DTNB: variants seen among roughly 807,000 people sequenced by gnomAD.
The protein encoded by DTNB is DTN-B.
Under a neutral mutation model 90.7 loss-of-function variants are expected in DTNB, and 63 were observed. The ratio of observed to expected loss-of-function variants is 0.69; its 90% CI spans 0.57 to 0.86. The LOEUF (loss-of-function observed/expected upper bound fraction) is 0.86. Ranked by LOEUF, DTNB falls within the 40% of genes least tolerant of loss-of-function variation. The pLI is 0.00. For missense variants in DTNB, 744 were observed against 807.1 expected (o/e 0.92, Z 0.95); for synonymous variants, 277 against 286.7 (o/e 0.97, Z 0.34).
intron 10 of DTNB, among the ~76,000 whole-genome samples, chr2:25,475,648 T>C (rs2063597466): frequency 6.6e-6 from 1 of 152,200 alleles, no homozygotes; most frequent in Non-Finnish European, 1.5e-5. Context: ...ATCTAGGGCT[T>C]TCATAGCTAG....
At chr2:25,619,716 G>A (rs1292235968) in intron 4 of DTNB, among the ~76,000 whole-genome samples, 3 of 152,084 alleles carry the variant, frequency 2.0e-5, no homozygotes, top group Non-Finnish European at 4.4e-5. Flanking sequence ...AATGGGATTG[G>A]TGATAATAAG....
Position 25,531,583 on chromosome 2 carries a change from C to T in DTNB, c.891G>A (p.Lys297=), listed in dbSNP as rs2078207329. ...KEHSSWKSPA[K]KLSHAISKSL... is the part of the protein sequence containing the mutation. ...ATTTACTAATTGCATGGCTCAGCTT[C>T]TTTGCAGGAGATTTCTGTGTCAAAG... is the stretch of plus-strand genomic sequence containing the variant. Residue 297 remains lysine (K), a synonymous_variant, in exon 9 of 21, where the codon AAG becomes AAA. Transcript: ENST00000406818. 3 of 1,613,648 alleles carry T rather than the reference C, an allele frequency of 1.9e-6. No homozygotes were observed. The highest frequency in any genetic ancestry group is 1.3e-5 in the African/African-American group (1 of 74,926).
intron 9 of DTNB, among the ~76,000 whole-genome samples, chr2:25,508,070 C>T (rs1028261631): frequency 6.6e-6 from 1 of 151,982 alleles, no homozygotes; most frequent in African/African-American, 2.4e-5. Flanking sequence ...CCAATACTGC[C>T]CATCCCTCTT....
chr2:25,446,126 T>C (rs1216536006), intron 12 of DTNB, among the ~76,000 whole-genome samples: 1 of 152,186 alleles, frequency 6.6e-6, no homozygotes, highest in Non-Finnish European at 1.5e-5. Context: ...TCTTTATTTC[T>C]CCTTTTGACA....
At chr2:25,383,687 CA>C in intron 19 of DTNB, 148 bp downstream of exon 19, 1 of 1,519,602 alleles carries the variant, frequency 6.6e-7, no homozygotes, top group Non-Finnish European at 8.8e-7. Context: ...ACCTGACTGT[CA>C]GATGGGAAAA....
At chr2:25,404,537 G>A (rs1388691958) in intron 16 of DTNB, among the ~76,000 whole-genome samples, 1 of 152,074 alleles carries the variant, frequency 6.6e-6, no homozygotes, top group East Asian at 1.9e-4. Context: ...ATGTAAATGA[G>A]CAGCTGCAGA....
chr2:25,634,882 A>G (rs1333526101), intron 3 of DTNB, among the ~76,000 whole-genome samples: 1 of 106,982 alleles, frequency 9.3e-6, no homozygotes, highest in Non-Finnish European at 2.2e-5. Flanking sequence ...AGTCATCACC[A>G]CTCCCTAATC....
At chr2:25,421,652 C>T (rs1230680082) in intron 15 of DTNB, among the ~76,000 whole-genome samples, 1 of 152,190 alleles carries the variant, frequency 6.6e-6, no homozygotes, top group Admixed American at 6.5e-5. Flanking sequence ...TGGGGCAATC[C>T]TAACAGGCTG....
At chr2:25,587,271 T>G (rs2062626241) in intron 6 of DTNB, among the ~76,000 whole-genome samples, 1 of 152,188 alleles carries the variant, frequency 6.6e-6, no homozygotes, top group Admixed American at 6.5e-5. Context: ...AAACTCAAAT[T>G]TGCTTATGAT....
intron 1 of DTNB, among the ~76,000 whole-genome samples, chr2:25,656,655 C>A (rs1363452570): frequency 1.3e-5 from 2 of 152,196 alleles, no homozygotes; most frequent in African/African-American, 2.4e-5. Flanking sequence ...AAATAAAATT[C>A]TATGACCTTG....
chr2:25,549,187 ATTTAT>A (rs1262405872), intron 8 of DTNB, among the ~76,000 whole-genome samples: 3 of 151,672 alleles, frequency 2.0e-5, no homozygotes, highest in African/African-American at 7.3e-5. Flanking sequence ...TAGTTTTTCC[ATTTAT>A]TTTGATTACT....
At chr2:25,588,115 A>C (rs916403184) in intron 6 of DTNB, among the ~76,000 whole-genome samples, 1 of 152,122 alleles carries the variant, frequency 6.6e-6, no homozygotes, top group African/African-American at 2.4e-5. Context: ...GTTATATCTC[A>C]GTAATAAAAA....
At chr2:25,482,154 C>T (rs998236435) in intron 10 of DTNB, among the ~76,000 whole-genome samples, 2 of 152,098 alleles carry the variant, frequency 1.3e-5, no homozygotes, top group African/African-American at 2.4e-5. Flanking sequence ...GGTCATGGAA[C>T]AGCTTATACC....
At chr2:25,522,146 C>G (rs1278858151) in intron 9 of DTNB, among the ~76,000 whole-genome samples, 1 of 152,212 alleles carries the variant, frequency 6.6e-6, no homozygotes, top group Non-Finnish European at 1.5e-5. Flanking sequence ...TCATTTCTCT[C>G]AGAGACCTGG....
At chr2:25,491,158 G>GACACATACACAC (rs1553453854) in intron 9 of DTNB, among the ~76,000 whole-genome samples, 4 of 150,512 alleles carry the variant, frequency 2.7e-5, no homozygotes, top group African/African-American at 9.8e-5. Context: ...CACACACACA[G>GACACATACACAC]ACACACACAC....
intron 8 of DTNB, among the ~76,000 whole-genome samples, chr2:25,541,553 C>T (rs1172856220): frequency 1.3e-5 from 2 of 151,930 alleles, no homozygotes; most frequent in African/African-American, 2.4e-5. Flanking sequence ...AGTATATTCA[C>T]GTATATTCAT....
At chr2:25,386,727 A>G (rs552482199) in intron 18 of DTNB, among the ~76,000 whole-genome samples, 2 of 152,368 alleles carry the variant, frequency 1.3e-5, no homozygotes, top group South Asian at 4.1e-4. Flanking sequence ...ACTGAGAAAG[A>G]AGTCACAGAT....
chr2:25,451,751 G>C, intron 11 of DTNB, 116 bp from the exon 12 acceptor site: 3 of 1,033,714 alleles, frequency 2.9e-6, no homozygotes, highest in Non-Finnish European at 3.9e-6. Context: ...AAAAGAACTA[G>C]AGGCCTGGGT....
rs2048348841 is a variant in DTNB, at chr2:25,417,842, CACTCA to C, written c.1575+1668_1575+1672del. Among the ~76,000 whole-genome samples, 3 of 152,318 alleles carry C rather than the reference CACTCA, an allele frequency of 2.0e-5. 1 individual carries two copies. In the South Asian group the frequency reaches 6.2e-4, roughly 32 times the overall value. ...CTCCTTCCTCTCCCTCCAACAGTCT[CACTCA>C]TTTGTCTACTTGGGGGAGGTATTTC... is the stretch of plus-strand genomic sequence containing the variant. On this transcript the variant is annotated intron_variant, in intron 16 of 20. Transcript: ENST00000406818.
Sources: allele counts gnomAD v4.1 joint callset (sites outside exome capture counted in the v4.1 genomes callset), GRCh38; gene constraint gnomAD v4.1.1; transcripts MANE v1.5; gene names NCBI Gene and HGNC (gene_info 2026-07-23, HGNC 2026-07-21).